The following ASAH2 variants were observed in gnomAD, a reference collection of about 807,000 sequenced individuals.
ASAH2 encodes N-acylsphingosine amidohydrolase 2, also known as neutral ceramidase.
In ASAH2, 58 loss-of-function variants were observed where a neutral mutation model predicts 82.9. The observed-to-expected ratio is 0.70, with a 90% confidence interval of 0.57 to 0.87. The LOEUF (loss-of-function observed/expected upper bound fraction) is 0.87. Ranked by LOEUF, ASAH2 falls within the 40% of genes least tolerant of loss-of-function variation. ASAH2 has a pLI of 0.00. For synonymous variants in ASAH2, 276 were observed against 289.7 expected (o/e 0.95, Z 0.48); for missense variants, 779 against 834.0 (o/e 0.93, Z 0.81).
At position 50,248,499 on chromosome 10, in the gene ASAH2, T is replaced by C. The variant is rs1273730300; in HGVS notation, c.112A>G (p.Ile38Val). The change falls in exon 2 of 21, where the codon ATT becomes GTT. Residue 38 changes from isoleucine (I) to valine (V), a missense_variant. Physicochemically the swap from Ile to Val is conservative, Grantham distance 29 (BLOSUM62 3). This residue lies in a region of ASAH2 where 759 missense variants were observed against 755.2 expected (regional missense o/e 1.00). Transcript: ENST00000682911. ...LSLLFITSGT[I>V]ENHKDLGGHF... ...TGACACTTGCCTTTGTGGTTTTCAA[T>C]GGTCCCACTGGTGATAAACAAGAGG... 4 of 1,613,618 alleles carry C rather than the reference T, an allele frequency of 2.5e-6. No individual in the cohort carries two copies. Among genetic ancestry groups the C allele is most frequent in the Admixed American group, 1.7e-5 (1 of 59,982 alleles).
At chr10:50,218,900 C>A (rs1845676904) in intron 7 of ASAH2, among the ~76,000 whole-genome samples, 4 of 152,114 alleles carry the variant, frequency 2.6e-5, no homozygotes, top group African/African-American at 9.7e-5. Flanking sequence ...TGGTCAGTTA[C>A]CAGATGACAT....
chr10:50,247,393 G>A (rs1846491867), intron 2 of ASAH2, among the ~76,000 whole-genome samples: 1 of 151,396 alleles, frequency 6.6e-6, no homozygotes, highest in Non-Finnish European at 1.5e-5. Context: ...TCAAACTCTT[G>A]ACCTCAGGTG....
intron 10 of ASAH2, 117 bp from the exon 11 acceptor site, chr10:50,211,251 T>C: frequency 2.4e-6 from 2 of 817,174 alleles, no homozygotes; most frequent in Non-Finnish European, 4.1e-6. Context: ...GCAAAGCTTT[T>C]GTTTTGCTGG....
At chr10:50,233,887 T>C (rs913130759) in intron 6 of ASAH2, among the ~76,000 whole-genome samples, 150 of 152,264 alleles carry the variant, frequency 9.9e-4, no homozygotes, top group South Asian at 3.9e-3. Context: ...AGTTTTTCCA[T>C]TCAAATATGT....
At position 50,203,592 on chromosome 10, in the gene ASAH2, C is replaced by A; in HGVS notation, c.1665+48G>T. The A allele has an allele frequency of 3.1e-6, 3 of 954,896 alleles. No homozygotes were observed. The South Asian group carries it at 3.9e-5, about 12-fold the overall frequency. 59.2% of individuals were successfully genotyped at this position (954,896 alleles called of 1,614,324 possible). ...TCATAGGGATAGGATATACTTTCCT[C>A]TTCACCAAACATGAACATGTAGATA... On this transcript the variant is annotated intron_variant, in intron 15 of 20. Transcript: ENST00000682911.
At chr10:50,233,512 A>T (rs1846067355) in intron 6 of ASAH2, among the ~76,000 whole-genome samples, 2 of 152,258 alleles carry the variant, frequency 1.3e-5, no homozygotes, top group African/African-American at 4.8e-5. Flanking sequence ...TATATAACAT[A>T]CAATATTATA....
At chr10:50,233,733 T>A (rs1846074093) in intron 6 of ASAH2, among the ~76,000 whole-genome samples, 1 of 152,094 alleles carries the variant, frequency 6.6e-6, no homozygotes, top group Admixed American at 6.6e-5. Flanking sequence ...TTGAAAAATA[T>A]GCAGAAAAAT....
intron 4 of ASAH2, among the ~76,000 whole-genome samples, chr10:50,240,150 C>T (rs1303994921): frequency 2.0e-5 from 3 of 152,004 alleles, no homozygotes; most frequent in African/African-American, 7.3e-5. Context: ...ATTTCCTATC[C>T]CACCACCACG....
At chr10:50,204,755 G>A (rs995532963) in intron 14 of ASAH2, 106 bp downstream of exon 14, 1 of 893,554 alleles carries the variant, frequency 1.1e-6, no homozygotes, top group Non-Finnish European at 1.8e-6. Flanking sequence ...CAGTACAGTA[G>A]GATACCAAGG....
intron 16 of ASAH2, among the ~76,000 whole-genome samples, chr10:50,202,510 T>C (rs1209279724): frequency 1.3e-5 from 2 of 152,048 alleles, no homozygotes; most frequent in African/African-American, 4.8e-5. Flanking sequence ...TACAGAGGCT[T>C]AAGGCATCAA....
intron 2 of ASAH2, among the ~76,000 whole-genome samples, chr10:50,247,356 G>T (rs745955295): frequency 6.6e-6 from 1 of 151,456 alleles, no homozygotes. Context: ...GCAGAGACAG[G>T]GTTTTGCCAC....
chr10:50,224,683 A>G (rs77598225), intron 7 of ASAH2, among the ~76,000 whole-genome samples: 32,508 of 152,080 alleles, frequency 0.21, 4,473 homozygotes, highest in East Asian at 0.41. Context: ...TAAGTCTTCA[A>G]TGTGTTAAGC....
At chr10:50,207,389 G>A (rs953653583) in intron 12 of ASAH2, among the ~76,000 whole-genome samples, 2 of 151,558 alleles carry the variant, frequency 1.3e-5, no homozygotes, top group Admixed American at 6.6e-5. Flanking sequence ...ACCAAAAGCT[G>A]GTTTTTTGAA....
chr10:50,227,893 C>T (rs1047312890), intron 7 of ASAH2, among the ~76,000 whole-genome samples: 209 of 152,260 alleles, frequency 1.4e-3, no homozygotes, highest in African/African-American at 4.7e-3. Flanking sequence ...AGGATGAAAG[C>T]TCACTTCACA....
In ASAH2 at chr10:50,195,349, A is replaced by G. The variant is rs1446211254; in HGVS notation, c.2004+1424T>C. Among the ~76,000 whole-genome samples the G allele has an allele frequency of 6.0e-4, 90 of 150,966 alleles. No homozygotes were observed. The Middle Eastern group carries it at 0.014, about 23-fold the overall frequency. On this transcript the variant is annotated intron_variant, in intron 18 of 20. Transcript: ENST00000682911. ...CAAATTAAAACTACAACAAGATATC[A>G]CCTAATACCTGTTAGAATGTATAAT...
intron 12 of ASAH2, among the ~76,000 whole-genome samples, chr10:50,209,215 C>T (rs1439153649): frequency 3.3e-5 from 5 of 152,062 alleles, no homozygotes; most frequent in African/African-American, 4.8e-5. Context: ...ATCTTCATGA[C>T]ATTGAATCTG....
intron 7 of ASAH2, among the ~76,000 whole-genome samples, chr10:50,230,105 T>G (rs2133222082): frequency 6.6e-6 from 1 of 152,232 alleles, no homozygotes; most frequent in South Asian, 2.1e-4. Context: ...AGCACAAACA[T>G]GGGTACTAGA....
At chr10:50,211,581 C>A (rs1317260837) in intron 10 of ASAH2, among the ~76,000 whole-genome samples, 3 of 152,140 alleles carry the variant, frequency 2.0e-5, no homozygotes, top group Non-Finnish European at 4.4e-5. Context: ...AGACTTCAAG[C>A]CCTGCTTTGT....
At chr10:50,228,753 GGAGAA>G (rs1385430567) in intron 7 of ASAH2, among the ~76,000 whole-genome samples, 36 of 151,948 alleles carry the variant, frequency 2.4e-4, no homozygotes, top group African/African-American at 8.5e-4. Flanking sequence ...GGAGAGGAGA[GGAGAA>G]GAGAAAAGAG....
Sources: gnomAD v4.1 joint callset for allele counts (sites outside exome capture counted in the v4.1 genomes callset) on GRCh38, gnomAD v4.1.1 for gene constraint, gnomAD v4.1.1 regional missense constraint, MANE v1.5 for transcripts, NCBI Gene and HGNC (gene_info 2026-07-23, HGNC 2026-07-21) for gene names.